Variants in MARK3 observed in about 807,000 individuals in gnomAD.
MARK3 encodes MAP/microtubule affinity-regulating kinase 3.
MARK3 carries 46 observed loss-of-function variants against 90.1 expected under a neutral mutation model. The observed-to-expected ratio is 0.51, with a 90% CI of 0.40 to 0.65. The LOEUF (loss-of-function observed/expected upper bound fraction) is 0.65. MARK3 is among the 30% of genes least tolerant of loss of function. MARK3 has a pLI of 0.00. For missense variants in MARK3, 818 were observed against 947.2 expected, an observed-to-expected ratio of 0.86 and a Z score of 1.79; for synonymous variants, 321 against 332.6, an observed-to-expected ratio of 0.97 and a Z score of 0.38.
At chr14:103,449,271 G>A (rs555637664) in intron 4 of MARK3, among the ~76,000 whole-genome samples, 1 of 151,744 alleles carries the variant, frequency 6.6e-6, no homozygotes, top group South Asian at 2.1e-4. Flanking sequence ...ATTATAGGAA[G>A]TCAGAATTAA....
intron 15 of MARK3, among the ~76,000 whole-genome samples, chr14:103,494,760 C>T (rs2075240353): frequency 6.6e-6 from 1 of 151,964 alleles, no homozygotes; most frequent in Non-Finnish European, 1.5e-5. Flanking sequence ...CTTCAGCCTC[C>T]CGAGTGGCTG....
intron 4 of MARK3, among the ~76,000 whole-genome samples, chr14:103,450,875 AGTGTGTGTGTGTGTGTGTGTGTGTGTGT>A (rs61183226): frequency 0.029 from 3,384 of 114,874 alleles, 106 homozygotes; most frequent in Non-Finnish European, 0.041. Context: ...TCATTTTTAA[AGTGTGTGTGTGTGTGTGTGTGTGTGTGT>A]GTGTGTGTGT....
intron 5 of MARK3, among the ~76,000 whole-genome samples, chr14:103,452,225 G>A (rs2093164249): frequency 6.6e-6 from 1 of 152,050 alleles, no homozygotes; most frequent in Admixed American, 6.5e-5. Context: ...GGTAAAACAT[G>A]CATCACTGAA....
chr14:103,478,431 T>C (rs991745964), intron 13 of MARK3, among the ~76,000 whole-genome samples: 29 of 150,508 alleles, frequency 1.9e-4, no homozygotes, highest in Non-Finnish European at 3.7e-4. Context: ...TTGCCTGTTC[T>C]GAATATTTTA....
chr14:103,431,632 G>A (rs574049084), intron 3 of MARK3, among the ~76,000 whole-genome samples: 13 of 152,182 alleles, frequency 8.5e-5, no homozygotes, highest in African/African-American at 2.4e-4. Context: ...TTGATTTTTT[G>A]TAATGTATTT....
chr14:103,485,063 C>CAAAAAAAAAAAAAAAAAAAAAAA (rs34312214), intron 14 of MARK3, among the ~76,000 whole-genome samples: 1 of 97,750 alleles, frequency 1.0e-5, no homozygotes, highest in African/African-American at 4.1e-5. Context: ...ACTAAAAATA[C>CAAAAAAAAAAAAAAAAAAAAAAA]AAAAAAAAAA....
chr14:103,418,606 C>A (rs1332755420), intron 2 of MARK3, among the ~76,000 whole-genome samples: 1 of 152,270 alleles, frequency 6.6e-6, no homozygotes, highest in Non-Finnish European at 1.5e-5. Context: ...GCCTTTTCAT[C>A]TGTTGCTTCA....
At chr14:103,474,167 T>C (rs1012913766) in intron 12 of MARK3, among the ~76,000 whole-genome samples, 2 of 152,150 alleles carry the variant, frequency 1.3e-5, no homozygotes, top group African/African-American at 2.4e-5. Context: ...ATTGCGCCAC[T>C]GCACTCCAGC....
intron 2 of MARK3, among the ~76,000 whole-genome samples, chr14:103,428,007 G>A (rs1428153316): frequency 1.3e-5 from 2 of 152,126 alleles, no homozygotes; most frequent in Admixed American, 6.5e-5. Context: ...TTTCAAGATG[G>A]AGTTGCTCTG....
intron 2 of MARK3, among the ~76,000 whole-genome samples, chr14:103,411,663 G>A (rs1032410321): frequency 1.3e-5 from 2 of 151,056 alleles, no homozygotes; most frequent in Admixed American, 6.6e-5. Context: ...TCGCTCTGTC[G>A]CTAGGCTGGA....
intron 2 of MARK3, among the ~76,000 whole-genome samples, chr14:103,415,025 G>A (rs951433418): frequency 6.6e-5 from 10 of 151,812 alleles, no homozygotes; most frequent in African/African-American, 1.9e-4. Context: ...GGTGGTGTGC[G>A]CCTGTAGTCC....
At chr14:103,501,666 T>A (rs1443170114) in intron 17 of MARK3, among the ~76,000 whole-genome samples, 1 of 151,788 alleles carries the variant, frequency 6.6e-6, no homozygotes, top group Admixed American at 6.6e-5. Context: ...GCCTGTCACG[T>A]TCTCCTGCTC....
At chr14:103,409,406 G>T (rs889993020) in intron 2 of MARK3, among the ~76,000 whole-genome samples, 1 of 118,578 alleles carries the variant, frequency 8.4e-6, no homozygotes, top group South Asian at 2.7e-4. Context: ...TAACCTGCAC[G>T]TTCTGCACAT....
At chr14:103,498,755 C>CTGTGTATT (rs1415443022) in intron 16 of MARK3, 3 of 283,048 alleles carry the variant, frequency 1.1e-5, no homozygotes, top group African/African-American at 6.5e-5. Flanking sequence ...GATGCATGCT[C>CTGTGTATT]TGTGTATTTT....
In MARK3 at chr14:103,493,071, G is replaced by A. The variant is rs576594263; in HGVS notation, c.1844+1037G>A. Among the ~76,000 whole-genome samples, 7 of 152,090 alleles carry A rather than the reference G, an allele frequency of 4.6e-5. No individual in the cohort carries two copies. The South Asian group carries it at 1.5e-3, about 32-fold the overall frequency. Reference sequence around the variant, plus strand: ...TCTGAAATGATCAGTACCCTCCTCTGTTTTTCTGCATTCCCTATGGCCTAT... The same window carrying A: ...TCTGAAATGATCAGTACCCTCCTCTATTTTTCTGCATTCCCTATGGCCTAT... On this transcript the variant is annotated intron_variant, in intron 15 of 17. Coordinates refer to ENST00000429436, the MANE Select transcript of MARK3 (RefSeq NM_001128918.3).
chr14:103,467,997 G>A, intron 11 of MARK3, 36 bp from the exon 12 acceptor site: 1 of 1,606,438 alleles, frequency 6.2e-7, no homozygotes, highest in Non-Finnish European at 8.5e-7. Flanking sequence ...TTGGGTTCGT[G>A]TTGTGGTTTG....
Position 103,385,865 on chromosome 14 carries a change from C to G in MARK3, c.-165C>G, listed in dbSNP as rs2089744216. ...AGCCCCGGGACCCGCCGGGGGACGG[C>G]CCGGGCCAGGCCCGGGATCTAGACG... is the stretch of plus-strand genomic sequence containing the variant. On this transcript the variant is annotated 5_prime_UTR_variant, in exon 1 of 18. Transcript: ENST00000429436. 5 of 578,966 alleles carry G rather than the reference C, an allele frequency of 8.6e-6. No homozygotes were observed. Among genetic ancestry groups the G allele is most frequent in the Non-Finnish European group, 6.1e-6 (2 of 326,704 alleles). The allele number at this position is 578,966 out of a possible 1,614,324, so 35.9% of individuals were successfully genotyped here.
intron 12 of MARK3, 122 bp downstream of exon 12, chr14:103,468,308 T>TTTCTTCC (rs1566900152): frequency 2.6e-6 from 1 of 380,180 alleles, no homozygotes; most frequent in African/African-American, 3.1e-5. Context: ...GCTTTCTTTC[T>TTTCTTCC]TTCTTCTTTT....
intron 12 of MARK3, among the ~76,000 whole-genome samples, chr14:103,469,522 G>T (rs1310676193): frequency 6.6e-6 from 1 of 151,740 alleles, no homozygotes; most frequent in East Asian, 2.0e-4. Flanking sequence ...TTTTGCTCTT[G>T]TTACCCAGGC....
Sources: allele counts gnomAD v4.1 joint callset (sites outside exome capture counted in the v4.1 genomes callset), GRCh38; gene constraint gnomAD v4.1.1; transcripts MANE v1.5; gene names NCBI Gene and HGNC (gene_info 2026-07-23, HGNC 2026-07-21).